DENND5A: variants seen among roughly 807,000 people sequenced by gnomAD.
DENND5A encodes DENN domain containing 5A.
Under a neutral mutation model 140.3 loss-of-function variants are expected in DENND5A, and 64 were observed. The observed-to-expected ratio is 0.46, with a 90% CI of 0.37 to 0.56. The LOEUF is 0.56. Among genes scored for constraint, DENND5A ranks in the 20% least tolerant of loss-of-function variants. The pLI, the probability that DENND5A is intolerant of heterozygous loss-of-function variation, is 0.00. For missense variants in DENND5A, 1,292 were observed against 1,593.8 expected (o/e 0.81, Z 3.22); for synonymous variants, 605 against 607.7 (o/e 1.00, Z 0.07).
intron 8 of DENND5A, among the ~76,000 whole-genome samples, chr11:9,173,181 A>G (rs1848430769): frequency 1.3e-5 from 2 of 152,124 alleles, no homozygotes; most frequent in Non-Finnish European, 2.9e-5. Flanking sequence ...ATACTCAGGG[A>G]AAATACCTTT....
intron 1 of DENND5A, among the ~76,000 whole-genome samples, chr11:9,256,738 G>A (rs1225489743): frequency 6.6e-6 from 1 of 152,198 alleles, no homozygotes; most frequent in Admixed American, 6.6e-5. Flanking sequence ...CAGGGTTAGA[G>A]GGTTGGGAGA....
At chr11:9,199,730 G>C (rs1418580256) in intron 4 of DENND5A, among the ~76,000 whole-genome samples, 1 of 152,148 alleles carries the variant, frequency 6.6e-6, no homozygotes, top group Non-Finnish European at 1.5e-5. Context: ...TTTCTATTCA[G>C]AGGGCAGGAC....
intron 4 of DENND5A, among the ~76,000 whole-genome samples, chr11:9,197,611 C>T (rs987980871): frequency 7.3e-5 from 11 of 150,802 alleles, no homozygotes; most frequent in Admixed American, 7.3e-4. Context: ...ACAAGAACTG[C>T]TTGAACCCAG....
At chr11:9,211,700 G>A (rs895526612) in intron 1 of DENND5A, among the ~76,000 whole-genome samples, 2 of 152,014 alleles carry the variant, frequency 1.3e-5, no homozygotes, top group African/African-American at 2.4e-5. Flanking sequence ...TTGGGAGGCC[G>A]AGGCGGGAAG....
intron 1 of DENND5A, among the ~76,000 whole-genome samples, chr11:9,245,775 A>G (rs1282729015): frequency 3.3e-5 from 5 of 151,968 alleles, no homozygotes; most frequent in African/African-American, 9.7e-5. Flanking sequence ...CTGGGACTAC[A>G]GGCGTGGACC....
chr11:9,153,770 T>C (rs966054417), intron 12 of DENND5A, among the ~76,000 whole-genome samples: 9 of 152,244 alleles, frequency 5.9e-5, no homozygotes, highest in African/African-American at 2.2e-4. Flanking sequence ...ACAGTCAATA[T>C]AATAGAACCT....
intron 7 of DENND5A, 93 bp from the exon 8 acceptor site, chr11:9,178,459 G>C: frequency 2.6e-6 from 2 of 763,498 alleles, no homozygotes; most frequent in Non-Finnish European, 4.3e-6. Flanking sequence ...CTCTGAGGCT[G>C]CCTAGGTCTT....
intron 8 of DENND5A, among the ~76,000 whole-genome samples, chr11:9,173,229 C>G (rs887600610): frequency 1.9e-5 from 2 of 103,246 alleles, no homozygotes; most frequent in African/African-American, 3.5e-5. Context: ...AAGAATTCAT[C>G]ACCAGCAGAT....
chr11:9,257,119 C>T (rs1167936881), intron 1 of DENND5A, among the ~76,000 whole-genome samples: 2 of 151,708 alleles, frequency 1.3e-5, no homozygotes, highest in Admixed American at 6.6e-5. Context: ...AAGCGATTCT[C>T]CTGTGTCAGC....
intron 1 of DENND5A, among the ~76,000 whole-genome samples, chr11:9,261,289 T>C (rs1852186809): frequency 6.6e-6 from 1 of 152,180 alleles, no homozygotes; most frequent in Admixed American, 6.6e-5. Flanking sequence ...GCTATGTAAG[T>C]TAACTGTGTG....
intron 1 of DENND5A, among the ~76,000 whole-genome samples, chr11:9,225,579 G>C (rs941766390): frequency 6.6e-6 from 1 of 152,076 alleles, no homozygotes; most frequent in Non-Finnish European, 1.5e-5. Flanking sequence ...AGCCAACGTG[G>C]TAAAACCCTG....
At chr11:9,257,132 C>T (rs1034613363) in intron 1 of DENND5A, among the ~76,000 whole-genome samples, 1 of 151,848 alleles carries the variant, frequency 6.6e-6, no homozygotes. Context: ...GTGTCAGCCT[C>T]CTGAGTAGCT....
At chr11:9,205,460 T>C (rs968434952) in intron 3 of DENND5A, among the ~76,000 whole-genome samples, 3 of 152,300 alleles carry the variant, frequency 2.0e-5, no homozygotes, top group African/African-American at 7.2e-5. Flanking sequence ...AACGCTAGAC[T>C]AGGAGTCAAA....
chr11:9,173,808 T>TA (rs1296288435), intron 8 of DENND5A, among the ~76,000 whole-genome samples: 3 of 151,830 alleles, frequency 2.0e-5, no homozygotes, highest in South Asian at 2.1e-4. Context: ...AATGAAATCA[T>TA]AAAAAAAATT....
intron 3 of DENND5A, 73 bp from the exon 4 acceptor site, chr11:9,204,390 T>G: frequency 7.1e-7 from 1 of 1,407,912 alleles, no homozygotes; most frequent in Non-Finnish European, 9.6e-7. Context: ...CCATCACTAT[T>G]TATTTATTTA....
intron 10 of DENND5A, 138 bp downstream of exon 10, chr11:9,169,718 G>A: frequency 6.7e-6 from 4 of 599,174 alleles, no homozygotes; most frequent in Non-Finnish European, 1.2e-5. Context: ...TCAGGAACTA[G>A]ACCTATTATT....
intron 5 of DENND5A, among the ~76,000 whole-genome samples, chr11:9,183,338 C>G (rs1848797312): frequency 6.6e-6 from 1 of 152,046 alleles, no homozygotes; most frequent in African/African-American, 2.4e-5. Flanking sequence ...AGCACAGTGC[C>G]AGGCACATAG....
intron 1 of DENND5A, among the ~76,000 whole-genome samples, chr11:9,237,019 C>G (rs1488297394): frequency 1.3e-5 from 2 of 152,014 alleles, no homozygotes; most frequent in African/African-American, 4.8e-5. Flanking sequence ...AACACCACAA[C>G]AGAAATATGG....
intron 4 of DENND5A, 57 bp from the exon 5 acceptor site, chr11:9,193,738 T>C: frequency 6.9e-7 from 1 of 1,451,190 alleles, no homozygotes; most frequent in East Asian, 2.3e-5. Flanking sequence ...ACAAGGCACT[T>C]GCTTTCCAAA....
Sources: gnomAD v4.1 joint callset for allele counts (sites outside exome capture counted in the v4.1 genomes callset) on GRCh38, gnomAD v4.1.1 for gene constraint, MANE v1.5 for transcripts, NCBI Gene and HGNC (gene_info 2026-07-23, HGNC 2026-07-21) for gene names.